ZMAT4: variants seen among roughly 807,000 people sequenced by gnomAD.
The protein encoded by ZMAT4 is zinc finger matrin-type 4.
A neutral mutation model predicts 28.7 loss-of-function variants in ZMAT4; 17 were observed. The observed-to-expected ratio is 0.59, with a 90% confidence interval of 0.41 to 0.89. The LOEUF (loss-of-function observed/expected upper bound fraction) is 0.89. Ranked by LOEUF, ZMAT4 falls within the 40% of genes least tolerant of loss-of-function variation. The pLI, the probability that ZMAT4 is intolerant of heterozygous loss-of-function variation, is 0.00. For synonymous variants in ZMAT4, 117 were observed against 109.2 expected, an observed-to-expected ratio of 1.07 and a Z score of -0.44; for missense variants, 240 against 283.8, an observed-to-expected ratio of 0.85 and a Z score of 1.11.
intron 5 of ZMAT4, among the ~76,000 whole-genome samples, chr8:40,609,288 C>T (rs1271231373): frequency 6.6e-5 from 10 of 152,218 alleles, no homozygotes; most frequent in Admixed American, 5.9e-4. Flanking sequence ...TGAATGATTA[C>T]TCTTGATGTC....
rs1803364574 is a variant in ZMAT4 at position 40,551,377 on chromosome 8, T to G, written c.675-19139A>C. 2.0e-5 allele frequency among the ~76,000 whole-genome samples: 3 copies of G among 152,152 alleles called. No individual in the cohort carries two copies. In the South Asian group the frequency reaches 6.2e-4, roughly 31 times the overall value. On this transcript the variant is annotated intron_variant, in intron 6 of 6. Transcript: ENST00000297737. ...AGTAAATTCTAATCAGTAAGGATCATGAGAAAGATATCACGTTGTTCTATT... is the reference window on the plus strand; with the variant it reads ...AGTAAATTCTAATCAGTAAGGATCAGGAGAAAGATATCACGTTGTTCTATT...
intron 3 of ZMAT4, among the ~76,000 whole-genome samples, chr8:40,739,602 C>A (rs1304885391): frequency 6.6e-6 from 1 of 152,204 alleles, no homozygotes; most frequent in Non-Finnish European, 1.5e-5. Flanking sequence ...TATGTGCCCA[C>A]TTAAACTCTT....
At position 40,531,997 on chromosome 8, in the gene ZMAT4, A is replaced by G. The variant is rs1802706179; in HGVS notation, c.*226T>C. The stretch of plus-strand genomic sequence containing the variant: ...TAAATATGTTATCAGGAAAGAATTT[A>G]AAAATCCATCCAAATATCATAACTT... On this transcript the variant is annotated 3_prime_UTR_variant, in exon 7 of 7. Transcript: ENST00000297737. 1 of 384,458 alleles carries G rather than the reference A, an allele frequency of 2.6e-6. No individual in the cohort carries two copies. Among genetic ancestry groups the G allele is most frequent in the Non-Finnish European group, 4.6e-6 (1 of 217,478 alleles). 23.8% of individuals were successfully genotyped at this position (384,458 alleles called of 1,614,324 possible). A position where few individuals can be genotyped will look rare whatever the true frequency, so the allele number is the denominator to read the frequency against.
chr8:40,562,245 C>G (rs1327607173), intron 6 of ZMAT4, among the ~76,000 whole-genome samples: 1 of 152,110 alleles, frequency 6.6e-6, no homozygotes, highest in Non-Finnish European at 1.5e-5. Flanking sequence ...CTCCCTCACT[C>G]CCGGCCAGAT....
At chr8:40,558,503 CA>C (rs1803621533) in intron 6 of ZMAT4, among the ~76,000 whole-genome samples, 1 of 151,758 alleles carries the variant, frequency 6.6e-6, no homozygotes, top group Non-Finnish European at 1.5e-5. Context: ...GGCTTATGGA[CA>C]GATGTGGAAA....
intron 5 of ZMAT4, among the ~76,000 whole-genome samples, chr8:40,672,333 T>C (rs1808709928): frequency 6.6e-6 from 1 of 152,128 alleles, no homozygotes; most frequent in African/African-American, 2.4e-5. Context: ...GGCCTGTGTG[T>C]GTGTGTTTCA....
chr8:40,623,734 C>G (rs368250527), intron 5 of ZMAT4, among the ~76,000 whole-genome samples: 1 of 152,074 alleles, frequency 6.6e-6, no homozygotes, highest in Non-Finnish European at 1.5e-5. Context: ...CAAAGTTATC[C>G]TAGAAACCAC....
intron 5 of ZMAT4, among the ~76,000 whole-genome samples, chr8:40,637,762 T>A (rs1234225194): frequency 1.3e-5 from 2 of 152,192 alleles, no homozygotes; most frequent in Non-Finnish European, 2.9e-5. Flanking sequence ...ACCTTGCTAC[T>A]AAGCACTGAT....
At chr8:40,756,256 C>T (rs1812672063) in intron 3 of ZMAT4, among the ~76,000 whole-genome samples, 1 of 151,732 alleles carries the variant, frequency 6.6e-6, no homozygotes, top group Admixed American at 6.6e-5. Flanking sequence ...GTCTGTGTTC[C>T]ATTCTGCCAC....
chr8:40,697,226 TCA>T lies in ZMAT4; in HGVS notation c.349+17_349+18del. On this transcript the variant is annotated intron_variant, in intron 4 of 6. Coordinates refer to ENST00000297737, the MANE Select transcript of ZMAT4 (RefSeq NM_024645.3). ...CTTGGTTTTCAGGGTCTCCCCACGA[TCA>T]CTGTTCCTGCACGTACCTGTGGTCT... is the stretch of plus-strand genomic sequence containing the variant. 6.3e-7 allele frequency: 1 copy of T among 1,580,050 alleles called. No individual in the cohort carries two copies. Among genetic ancestry groups the T allele is most frequent in the Non-Finnish European group, 8.6e-7 (1 of 1,161,162 alleles).
chr8:40,805,010 C>A (rs1815018039), intron 2 of ZMAT4, among the ~76,000 whole-genome samples: 1 of 150,496 alleles, frequency 6.6e-6, no homozygotes, highest in Non-Finnish European at 1.5e-5. Context: ...AGTGAACAGG[C>A]AACCTACAAA....
chr8:40,883,666 C>A (rs1433871235), intron 1 of ZMAT4, among the ~76,000 whole-genome samples: 1 of 152,112 alleles, frequency 6.6e-6, no homozygotes, highest in African/African-American at 2.4e-5. Flanking sequence ...CAAGAGATCT[C>A]GAAAGCAAAA....
At chr8:40,568,825 A>C (rs1050050120) in intron 6 of ZMAT4, among the ~76,000 whole-genome samples, 3 of 152,122 alleles carry the variant, frequency 2.0e-5, no homozygotes, top group Non-Finnish European at 4.4e-5. Context: ...CCCAGTCCAC[A>C]ATAACCTTTC....
rs116666441 is a variant in ZMAT4 at position 40,578,674 on chromosome 8, G to A, written c.674+2491C>T. The stretch of plus-strand genomic sequence containing the variant: ...ACATGATATGCAAATTAGGTCTAAT[G>A]GCAGATAAAACAGGCATGTGAAACA... On this transcript the variant is annotated intron_variant, in intron 6 of 6. Coordinates refer to ENST00000297737, the MANE Select transcript of ZMAT4 (RefSeq NM_024645.3). 2.5e-3 allele frequency among the ~76,000 whole-genome samples: 381 copies of A among 152,160 alleles called. 3 individuals carry two copies. The highest frequency in any genetic ancestry group is 8.9e-3 in the African/African-American group (370 of 41,536).
intron 2 of ZMAT4, among the ~76,000 whole-genome samples, chr8:40,793,787 A>G (rs1300755597): frequency 2.6e-5 from 4 of 152,186 alleles, no homozygotes; most frequent in African/African-American, 7.2e-5. Context: ...CTGAGGTGTG[A>G]CATCTGTAAT....
At chr8:40,772,874 G>A (rs1459899203) in intron 2 of ZMAT4, among the ~76,000 whole-genome samples, 1 of 152,178 alleles carries the variant, frequency 6.6e-6, no homozygotes, top group African/African-American at 2.4e-5. Flanking sequence ...AATAGGGAAG[G>A]GACAGCAAAC....
At chr8:40,671,089 G>A (rs2599673) in intron 5 of ZMAT4, among the ~76,000 whole-genome samples, 1 of 149,986 alleles carries the variant, frequency 6.7e-6, no homozygotes, top group Admixed American at 6.6e-5. Context: ...AAAAGTACTT[G>A]ACATCATTAG....
intron 5 of ZMAT4, among the ~76,000 whole-genome samples, chr8:40,584,496 T>C (rs1804598823): frequency 1.3e-5 from 2 of 152,190 alleles, no homozygotes; most frequent in Non-Finnish European, 2.9e-5. Context: ...AGAATTTATG[T>C]ATTTACAAGT....
At chr8:40,865,733 G>A (rs1817656195) in intron 1 of ZMAT4, among the ~76,000 whole-genome samples, 1 of 152,162 alleles carries the variant, frequency 6.6e-6, no homozygotes, top group Non-Finnish European at 1.5e-5. Context: ...CTAAAGCTGG[G>A]ACTCGAACCC....
Sources: allele counts gnomAD v4.1 joint callset (sites outside exome capture counted in the v4.1 genomes callset), GRCh38; gene constraint gnomAD v4.1.1; transcripts MANE v1.5; gene names NCBI Gene and HGNC (gene_info 2026-07-23, HGNC 2026-07-21).